IGF2BP2: variants seen among roughly 807,000 people sequenced by gnomAD.
The protein encoded by IGF2BP2 is insulin-like growth factor 2 mRNA-binding protein 2.
In IGF2BP2, 17 loss-of-function variants were observed where a neutral mutation model predicts 75.8. The observed-to-expected ratio is 0.22, with a 90% CI of 0.15 to 0.34. IGF2BP2 has a LOEUF of 0.34. Ranked by LOEUF, IGF2BP2 falls within the 10% of genes least tolerant of loss-of-function variation. The pLI is 1.00. For missense variants in IGF2BP2, 516 were observed against 772.4 expected (o/e 0.67, Z 3.93); for synonymous variants, 288 against 295.6 (o/e 0.97, Z 0.26).
chr3:185,665,484 G>GAA lies in IGF2BP2; in HGVS notation c.1200+7056_1200+7057insTT, dbSNP rs1717348681. Among the ~76,000 whole-genome samples, 4 of 76,490 alleles carry GAA rather than the reference G, an allele frequency of 5.2e-5. 1 individual carries two copies. The highest frequency in any genetic ancestry group is 1.1e-4 in the Non-Finnish European group (4 of 38,064). 50.2% of individuals were successfully genotyped at this position (76,490 alleles called of 152,430 possible). Reference sequence around the variant, plus strand: ...AGAAGAAGAAGAAGAAGGAGAAGAAGGAGGAGAAGGAGGAGGAGAAGGAGG... The same window carrying GAA: ...AGAAGAAGAAGAAGAAGGAGAAGAAGAAGAGGAGAAGGAGGAGGAGAAGGAGG... On this transcript the variant is annotated intron_variant, in intron 10 of 15. Coordinates refer to ENST00000382199, the MANE Select transcript of IGF2BP2 (RefSeq NM_006548.6).
At chr3:185,720,767 A>G (rs912999260) in intron 2 of IGF2BP2, among the ~76,000 whole-genome samples, 5 of 152,224 alleles carry the variant, frequency 3.3e-5, no homozygotes, top group African/African-American at 1.2e-4. Context: ...CATTTTGCAG[A>G]TTAGGAAACT....
chr3:185,790,707 A>AT (rs1736530452), intron 2 of IGF2BP2, among the ~76,000 whole-genome samples: 1 of 152,220 alleles, frequency 6.6e-6, no homozygotes, highest in Non-Finnish European at 1.5e-5. Context: ...AACAGTATGC[A>AT]TCTGAATTAG....
In IGF2BP2 at chr3:185,754,681, T is replaced by C. The variant is rs2149657063; in HGVS notation, c.240-56334A>G. Among the ~76,000 whole-genome samples, 2 of 152,286 alleles carry C rather than the reference T, an allele frequency of 1.3e-5. 1 individual carries two copies. The highest frequency in any genetic ancestry group is 4.1e-4 in the South Asian group (2 of 4,828). On this transcript the variant is annotated intron_variant, in intron 2 of 15. Coordinates refer to ENST00000382199, the MANE Select transcript of IGF2BP2 (RefSeq NM_006548.6). ...CAGTGAAGTCCAGGCTGATGAGGTC[T>C]CAGGTGGAAATGAGGAAGTTAATGG...
At chr3:185,820,528 G>C (rs1259560994) in intron 2 of IGF2BP2, among the ~76,000 whole-genome samples, 1 of 151,922 alleles carries the variant, frequency 6.6e-6, no homozygotes, top group African/African-American at 2.4e-5. Context: ...CATTTAATAA[G>C]AATAAAACAT....
At chr3:185,767,831 A>C (rs1337940546) in intron 2 of IGF2BP2, 2 of 154,124 alleles carry the variant, frequency 1.3e-5, no homozygotes, top group Non-Finnish European at 2.9e-5. Flanking sequence ...ATTGGCAATG[A>C]TTATTTTAGG....
At chr3:185,678,115 C>T (rs1296333865) in intron 7 of IGF2BP2, among the ~76,000 whole-genome samples, 1 of 152,126 alleles carries the variant, frequency 6.6e-6, no homozygotes, top group Non-Finnish European at 1.5e-5. Context: ...TTAAAGAACT[C>T]CAACTGGGAC....
intron 7 of IGF2BP2, among the ~76,000 whole-genome samples, chr3:185,685,681 C>A (rs1721020886): frequency 6.6e-6 from 1 of 152,146 alleles, no homozygotes; most frequent in Non-Finnish European, 1.5e-5. Context: ...CAGGGTGGTG[C>A]TCTGTCACCC....
rs765606310 is a variant in IGF2BP2, at chr3:185,652,139, G to A, written c.1416C>T (p.Ser472=). The A allele has an allele frequency of 1.5e-5, 25 of 1,612,910 alleles. 1 individual carries two copies. In the South Asian group the frequency reaches 2.1e-4, roughly 13 times the overall value. ...KIAPAEGPDV[S]ERMVIITGPP... ...GCCCGGTGATGATGACCATCCTTTC[G>A]CTGACGTCTGGGCCTTCCGCAGGGG... Residue 472 remains serine, a synonymous_variant, in exon 13 of 16, where the codon AGC becomes AGT. Transcript: ENST00000382199.
At chr3:185,732,573 A>G in intron 2 of IGF2BP2, among the ~76,000 whole-genome samples, 1 of 152,152 alleles carries the variant, frequency 6.6e-6, no homozygotes. Context: ...AGCCCCCAAC[A>G]TACTACAAGG....
chr3:185,645,496 A>T lies in IGF2BP2; in HGVS notation c.*35T>A. ...TTCTGTCAGGTGTTGGAAGGGCTAC[A>T]TTCATCCGTTGTTTTGCTGGTGCCT... On this transcript the variant is annotated 3_prime_UTR_variant, in exon 16 of 16. Transcript: ENST00000382199. The surrounding 1 kb of genome is among the most constrained non-coding windows in gnomAD (Gnocchi z 4.9). 1 of 1,444,362 alleles carries T rather than the reference A, an allele frequency of 6.9e-7. No homozygotes were observed. Among genetic ancestry groups the T allele is most frequent in the Non-Finnish European group, 9.7e-7 (1 of 1,025,686 alleles). 89.5% of individuals were successfully genotyped at this position (1,444,362 alleles called of 1,614,324 possible).
intron 2 of IGF2BP2, among the ~76,000 whole-genome samples, chr3:185,738,270 G>A (rs757256257): frequency 1.3e-5 from 2 of 152,106 alleles, no homozygotes; most frequent in Non-Finnish European, 2.9e-5. Flanking sequence ...AATAAAACTG[G>A]GGGTTAAACC....
In IGF2BP2 at chr3:185,647,006, G is replaced by T; in HGVS notation, c.1707+19C>A. 6.4e-7 allele frequency: 1 copy of T among 1,552,288 alleles called. No individual in the cohort carries two copies. The highest frequency in any genetic ancestry group is 8.9e-7 in the Non-Finnish European group (1 of 1,123,944). On this transcript the variant is annotated intron_variant, in intron 15 of 15. Coordinates refer to ENST00000382199, the MANE Select transcript of IGF2BP2 (RefSeq NM_006548.6). This position sits in a 1 kb window ranked among gnomAD's most constrained non-coding sequence, Gnocchi z 4.9. ...GAAAAGAGACTTGCAGGAGAGACAG[G>T]GCCCTCACAGCACAGTACCTGGCTA...
At chr3:185,820,235 T>TACACACACACACACACACACACACAC (rs202064714) in intron 2 of IGF2BP2, among the ~76,000 whole-genome samples, 4 of 102,760 alleles carry the variant, frequency 3.9e-5, no homozygotes, top group African/African-American at 1.1e-4. Flanking sequence ...TATATACACA[T>TACACACACACACACACACACACACAC]ACACACACAC....
chr3:185,796,300 C>A (rs13100823), intron 2 of IGF2BP2, among the ~76,000 whole-genome samples: 1 of 151,722 alleles, frequency 6.6e-6, no homozygotes, highest in Admixed American at 6.6e-5. Flanking sequence ...TGGTGGCTCA[C>A]GCCTGTAATC....
chr3:185,737,918 T>G (rs1305444548), intron 2 of IGF2BP2, among the ~76,000 whole-genome samples: 3 of 152,228 alleles, frequency 2.0e-5, no homozygotes, highest in African/African-American at 7.2e-5. Flanking sequence ...TAGAGTAGAT[T>G]CTGAGAAACA....
intron 2 of IGF2BP2, among the ~76,000 whole-genome samples, chr3:185,761,378 T>C (rs576791732): frequency 1.3e-5 from 2 of 152,234 alleles, no homozygotes; most frequent in Admixed American, 6.5e-5. Flanking sequence ...AAAACAGACA[T>C]GGAAGGTATC....
intron 2 of IGF2BP2, among the ~76,000 whole-genome samples, chr3:185,735,660 G>C (rs1435803413): frequency 6.6e-6 from 1 of 152,162 alleles, no homozygotes; most frequent in South Asian, 2.1e-4. Context: ...ACACAGCAGA[G>C]GGGAAGGCTC....
chr3:185,789,830 T>G (rs1736406094), intron 2 of IGF2BP2, among the ~76,000 whole-genome samples: 1 of 150,236 alleles, frequency 6.7e-6, no homozygotes. Flanking sequence ...AACACCCAGG[T>G]TCGAGTGATT....
chr3:185,657,537 T>G, intron 11 of IGF2BP2, 135 bp from the exon 12 acceptor site: 4 of 644,370 alleles, frequency 6.2e-6, no homozygotes, highest in South Asian at 2.1e-5. Context: ...GCCAAAATGG[T>G]GCACAGGATC....
Sources: gnomAD v4.1 joint callset for allele counts (sites outside exome capture counted in the v4.1 genomes callset) on GRCh38, gnomAD v4.1.1 for gene constraint, Gnocchi (gnomAD v3.1) non-coding constraint, MANE v1.5 for transcripts, NCBI Gene and HGNC (gene_info 2026-07-23, HGNC 2026-07-21) for gene names.